ARFGEF1: variants seen among roughly 807,000 people sequenced by gnomAD.
The protein encoded by ARFGEF1 is ARF guanine nucleotide exchange factor 1, also known as brefeldin A-inhibited guanine nucleotide-exchange protein 1.
A neutral mutation model predicts 231.0 loss-of-function variants in ARFGEF1; 42 were observed. The observed-to-expected ratio is 0.18, with a 90% CI of 0.14 to 0.24. ARFGEF1 has a LOEUF of 0.24. Among genes scored for constraint, ARFGEF1 ranks in the 10% least tolerant of loss-of-function variants. The probability of loss-of-function intolerance (pLI) is 1.00; values close to 1 mark genes in which losing one functional copy is unlikely to be tolerated. For missense variants in ARFGEF1, 1,345 were observed against 2,192.0 expected (o/e 0.61, Z 7.72); for synonymous variants, 710 against 732.3 (o/e 0.97, Z 0.49).
chr8:67,194,817 A>G (rs1238906456), downstream of ARFGEF1, among the ~76,000 whole-genome samples: 2 of 152,182 alleles, frequency 1.3e-5, no homozygotes, highest in African/African-American at 2.4e-5. Flanking sequence ...TTAAAGAATG[A>G]AGCAAGAGCT....
At chr8:67,284,401 G>A (rs1295070363) in intron 7 of ARFGEF1, among the ~76,000 whole-genome samples, 1 of 152,080 alleles carries the variant, frequency 6.6e-6, no homozygotes, top group South Asian at 2.1e-4. Context: ...AGGAGCTGAT[G>A]GAGTTCTCCA....
rs1202726998 is a variant in ARFGEF1 at position 67,198,680 on chromosome 8, G to A, written c.*254C>T. Reference sequence around the variant, plus strand: ...GGCTTTTCCTGCCGTGGAAGACAGGGAAGGACCCGTGAGCATGAGCTGACA... The same window carrying A: ...GGCTTTTCCTGCCGTGGAAGACAGGAAAGGACCCGTGAGCATGAGCTGACA... On this transcript the variant is annotated 3_prime_UTR_variant, in exon 39 of 39. Transcript: ENST00000262215. 3.4e-6 allele frequency: 4 copies of A among 1,190,586 alleles called. No homozygotes were observed. The highest frequency in any genetic ancestry group is 5.1e-5 in the East Asian group (1 of 19,540). The allele number at this position is 1,190,586 out of a possible 1,614,324, so 73.8% of individuals were successfully genotyped here. A position where few individuals can be genotyped will look rare whatever the true frequency, so the allele number is the denominator to read the frequency against.
rs909120619 is a variant in ARFGEF1, at chr8:67,201,470, A to G, written c.5264T>C (p.Leu1755Ser). Residue 1755 changes from leucine to serine, a missense_variant, in exon 37 of 39, where the codon TTG (leucine) becomes TCG (serine). By Grantham distance (145) the Leu-to-Ser change is moderately radical. This residue lies in a region of ARFGEF1 where 161 missense variants were observed against 284.9 expected (regional missense o/e 0.57). Transcript: ENST00000262215. ...SAWEEVQQRLLNVCSEALSYF... is the reference protein window; with the variant it reads ...SAWEEVQQRLSNVCSEALSYF... ...GGAAATCAGTCAAAAGTCTTACTTC[A>G]AAAGCCTCTGCTGGACCTCCTCCCA... is the stretch of plus-strand genomic sequence containing the variant. The G allele has an allele frequency of 1.9e-6, 3 of 1,604,188 alleles. No homozygotes were observed. Among genetic ancestry groups the G allele is most frequent in the Non-Finnish European group, 1.7e-6 (2 of 1,177,192 alleles).
chr8:67,320,888 G>T (rs1380154770), intron 1 of ARFGEF1, among the ~76,000 whole-genome samples: 1 of 152,064 alleles, frequency 6.6e-6, no homozygotes, highest in African/African-American at 2.4e-5. Flanking sequence ...TTGAACCCAG[G>T]AAGAGGTTGC....
At chr8:67,250,302 C>T (rs542061620) in intron 19 of ARFGEF1, among the ~76,000 whole-genome samples, 22 of 152,138 alleles carry the variant, frequency 1.4e-4, no homozygotes, top group African/African-American at 5.1e-4. Context: ...AGGAGAATGC[C>T]GCAGTAATCT....
At chr8:67,329,569 TAAATAA>T (rs1301863188) in intron 1 of ARFGEF1, among the ~76,000 whole-genome samples, 1 of 148,396 alleles carries the variant, frequency 6.7e-6, no homozygotes, top group African/African-American at 2.5e-5. Context: ...AATAAATAAA[TAAATAA>T]AAAGAATTTT....
intron 5 of ARFGEF1, among the ~76,000 whole-genome samples, chr8:67,187,538 A>G (rs1252459840): frequency 2.0e-5 from 3 of 152,168 alleles, no homozygotes; most frequent in African/African-American, 7.2e-5. Flanking sequence ...ATTTTAAATT[A>G]GCCGATGTGG....
intron 1 of ARFGEF1, among the ~76,000 whole-genome samples, chr8:67,336,633 T>G (rs1322920645): frequency 6.6e-6 from 1 of 152,138 alleles, no homozygotes; most frequent in Non-Finnish European, 1.5e-5. Context: ...CACATGGACT[T>G]TTTCCTTTGT....
intron 34 of ARFGEF1, among the ~76,000 whole-genome samples, chr8:67,209,987 C>T (rs7812859): frequency 0.023 from 3,462 of 151,594 alleles, 89 homozygotes; most frequent in South Asian, 0.046. Flanking sequence ...CCGGTCTCTA[C>T]TAAAGAATAA....
At chr8:67,280,624 G>C (rs1805494896) in intron 7 of ARFGEF1, among the ~76,000 whole-genome samples, 1 of 152,146 alleles carries the variant, frequency 6.6e-6, no homozygotes, top group Non-Finnish European at 1.5e-5. Context: ...TTCACCCCAA[G>C]CTTGACTTTG....
chr8:67,221,987 G>C (rs1440248688), intron 29 of ARFGEF1, among the ~76,000 whole-genome samples: 1 of 145,462 alleles, frequency 6.9e-6, no homozygotes, highest in Non-Finnish European at 1.5e-5. Context: ...CTAATTTTTG[G>C]TATTTTTAGT....
At chr8:67,251,257 A>G (rs1294644963) in intron 19 of ARFGEF1, 42 bp downstream of exon 19, 8 of 1,518,936 alleles carry the variant, frequency 5.3e-6, no homozygotes, top group Non-Finnish European at 7.1e-6. Flanking sequence ...GTAGTTATAT[A>G]TAAATGTACA....
intron 7 of ARFGEF1, among the ~76,000 whole-genome samples, chr8:67,286,211 T>C (rs891478733): frequency 3.3e-5 from 5 of 152,206 alleles, no homozygotes; most frequent in Non-Finnish European, 5.9e-5. Flanking sequence ...CAAAGACACA[T>C]ACATTATGTG....
At position 67,288,071 on chromosome 8, in the gene ARFGEF1, AAAG is replaced by A. The variant is rs1330082647; in HGVS notation, c.917-9_917-7del. ...CACTTCATTTTTAGATAATGCTTTA[AAAG>A]AAGAAAAATTCAACAGAACATTATT... On this transcript the variant is annotated splice_polypyrimidine_tract_variant and splice_region_variant and intron_variant, in intron 6 of 38. Coordinates refer to ENST00000262215, the MANE Select transcript of ARFGEF1 (RefSeq NM_006421.5). 2.6e-6 allele frequency: 4 copies of A among 1,558,010 alleles called. No homozygotes were observed. The highest frequency in any genetic ancestry group is 3.5e-6 in the Non-Finnish European group (4 of 1,151,606).
At chr8:67,262,596 C>G (rs147237121) in intron 14 of ARFGEF1, among the ~76,000 whole-genome samples, 97 of 152,274 alleles carry the variant, frequency 6.4e-4, no homozygotes, top group African/African-American at 2.1e-3. Context: ...ACAGAGAAAT[C>G]TTTCGTGAAT....
intron 1 of ARFGEF1, among the ~76,000 whole-genome samples, chr8:67,341,961 G>GA (rs202001924): frequency 1.2e-4 from 18 of 149,614 alleles, no homozygotes; most frequent in East Asian, 2.0e-4. Flanking sequence ...AACGATCTAG[G>GA]AAAAAAAAAC....
At position 67,204,693 on chromosome 8, in the gene ARFGEF1, A is replaced by G; in HGVS notation, c.4946T>C (p.Leu1649Ser). 6.2e-7 allele frequency: 1 copy of G among 1,613,652 alleles called. No individual in the cohort carries two copies. Among genetic ancestry groups the G allele is most frequent in the Non-Finnish European group, 8.5e-7 (1 of 1,179,840 alleles). ...ATSKKEDAEN[L>S]AAAQRDAVDF... ...CTATCTCCTTACCTGTGCTGCAGCT[A>G]AGTTTTCTGCATCTTCTTTCTTACT... The change falls in exon 35 of 39, where the codon TTA becomes TCA. Residue 1649 changes from leucine to serine, a missense_variant. Leu to Ser is a moderately radical substitution (Grantham distance 145). This residue lies in a region of ARFGEF1 where 161 missense variants were observed against 284.9 expected (regional missense o/e 0.57). Coordinates refer to ENST00000262215, the MANE Select transcript of ARFGEF1 (RefSeq NM_006421.5).
intron 1 of ARFGEF1, among the ~76,000 whole-genome samples, chr8:67,305,935 T>G (rs974998685): frequency 6.6e-6 from 1 of 152,222 alleles, no homozygotes. Flanking sequence ...ACTATGGCCG[T>G]AATTTTCAGT....
chr8:67,307,743 A>C (rs1463889514), intron 1 of ARFGEF1, among the ~76,000 whole-genome samples: 1 of 152,132 alleles, frequency 6.6e-6, no homozygotes, highest in Non-Finnish European at 1.5e-5. Context: ...ATATTTCCCA[A>C]AACGACCACT....
Sources: gnomAD v4.1 joint callset for allele counts (sites outside exome capture counted in the v4.1 genomes callset) on GRCh38, gnomAD v4.1.1 for gene constraint, gnomAD v4.1.1 regional missense constraint, MANE v1.5 for transcripts, NCBI Gene and HGNC (gene_info 2026-07-23, HGNC 2026-07-21) for gene names.